Variants in HNF4G observed in about 807,000 individuals in gnomAD.
The protein encoded by HNF4G is hepatocyte nuclear factor 4-gamma.
HNF4G carries 21 observed loss-of-function variants against 50.9 expected under a neutral mutation model. The observed-to-expected ratio is 0.41, with a 90% confidence interval of 0.29 to 0.59. HNF4G has a LOEUF of 0.59. Ranked by LOEUF, HNF4G falls within the 20% of genes least tolerant of loss-of-function variation. The pLI, the probability that HNF4G is intolerant of heterozygous loss-of-function variation, is 0.26. For missense variants in HNF4G, 527 were observed against 559.4 expected, an observed-to-expected ratio of 0.94 and a Z score of 0.58; for synonymous variants, 198 against 185.6, an observed-to-expected ratio of 1.07 and a Z score of -0.54.
chr8:75,561,621 G>A (rs1017176769), intron 9 of HNF4G, among the ~76,000 whole-genome samples: 35 of 152,142 alleles, frequency 2.3e-4, no homozygotes, highest in African/African-American at 8.2e-4. Flanking sequence ...TGTTATTTAG[G>A]TAGCTGTTTG....
chr8:75,531,710 A>G (rs547884498), intron 2 of HNF4G, among the ~76,000 whole-genome samples: 24 of 152,254 alleles, frequency 1.6e-4, no homozygotes, highest in African/African-American at 5.8e-4. Context: ...AATAATTATG[A>G]TGACTATGTA....
At chr8:75,509,118 C>CT (rs1283933540) in intron 2 of HNF4G, among the ~76,000 whole-genome samples, 3 of 152,054 alleles carry the variant, frequency 2.0e-5, no homozygotes, top group Non-Finnish European at 4.4e-5. Context: ...CAGCTGAGGT[C>CT]TGTAAGGAGA....
chr8:75,475,968 G>T (rs1812229429), intron 1 of HNF4G, among the ~76,000 whole-genome samples: 2 of 151,834 alleles, frequency 1.3e-5, no homozygotes, highest in Admixed American at 1.3e-4. Flanking sequence ...TATGAATTTG[G>T]GGCGTACACA....
At chr8:75,493,591 C>T (rs969612786) in intron 2 of HNF4G, among the ~76,000 whole-genome samples, 4 of 151,828 alleles carry the variant, frequency 2.6e-5, no homozygotes, top group Non-Finnish European at 5.9e-5. Context: ...TGAAAATTTT[C>T]TATATATTTG....
chr8:75,432,901 T>C (rs1811046278), intron 1 of HNF4G, among the ~76,000 whole-genome samples: 1 of 152,174 alleles, frequency 6.6e-6, no homozygotes, highest in African/African-American at 2.4e-5. Context: ...TAGACAGTTC[T>C]GGGGAAAGGT....
chr8:75,474,109 A>G (rs1812186185), intron 1 of HNF4G, among the ~76,000 whole-genome samples: 1 of 152,192 alleles, frequency 6.6e-6, no homozygotes, highest in South Asian at 2.1e-4. Flanking sequence ...CTTTAAAAAG[A>G]TTACTTTGAA....
intron 9 of HNF4G, among the ~76,000 whole-genome samples, chr8:75,562,295 T>G (rs1290362744): frequency 5.3e-5 from 8 of 152,122 alleles, no homozygotes; most frequent in Non-Finnish European, 1.2e-4. Context: ...AAATAGTATC[T>G]GAAACCAAAA....
At chr8:75,422,998 G>C (rs961005426) in intron 1 of HNF4G, among the ~76,000 whole-genome samples, 1 of 152,090 alleles carries the variant, frequency 6.6e-6, no homozygotes, top group Non-Finnish European at 1.5e-5. Flanking sequence ...AACCAGTTAG[G>C]AGCAGAGATG....
chr8:75,423,815 CTTTTTTTTTTTT>C (rs548125507), intron 1 of HNF4G, among the ~76,000 whole-genome samples: 1,994 of 71,354 alleles, frequency 0.028, 42 homozygotes, highest in Admixed American at 0.097. Flanking sequence ...AAGTTTCTTT[CTTTTTTTTTTTT>C]TTTTTTTTTT....
intron 2 of HNF4G, among the ~76,000 whole-genome samples, chr8:75,503,174 G>A (rs1466995758): frequency 1.3e-5 from 2 of 152,162 alleles, no homozygotes; most frequent in Non-Finnish European, 2.9e-5. Flanking sequence ...GAAAGCACTA[G>A]TTGAGAGAGC....
upstream of HNF4G, among the ~76,000 whole-genome samples, chr8:75,539,260 G>A (rs1219331894): frequency 2.0e-5 from 3 of 152,100 alleles, no homozygotes; most frequent in Admixed American, 6.6e-5. Flanking sequence ...AGCTGTACTG[G>A]TTCTGCCCTT....
At chr8:75,511,097 A>G (rs1374205051) in intron 2 of HNF4G, among the ~76,000 whole-genome samples, 1 of 152,080 alleles carries the variant, frequency 6.6e-6, no homozygotes, top group Non-Finnish European at 1.5e-5. Flanking sequence ...CAATAAATAT[A>G]TTTGACATTA....
intron 1 of HNF4G, among the ~76,000 whole-genome samples, chr8:75,478,033 C>T (rs1197354672): frequency 1.3e-5 from 2 of 152,034 alleles, no homozygotes; most frequent in Non-Finnish European, 2.9e-5. Flanking sequence ...AAATTTAGGC[C>T]GGGTGTGGTG....
chr8:75,520,234 C>T (rs1806003690), intron 2 of HNF4G, among the ~76,000 whole-genome samples: 2 of 151,852 alleles, frequency 1.3e-5, no homozygotes, highest in African/African-American at 4.8e-5. Flanking sequence ...TAGTAAATAG[C>T]ATAATAAAGA....
At chr8:75,541,047 A>G (rs992091516) in intron 1 of HNF4G, among the ~76,000 whole-genome samples, 6 of 152,116 alleles carry the variant, frequency 3.9e-5, no homozygotes, top group Non-Finnish European at 8.8e-5. Context: ...ATTTAGCACA[A>G]CTATAGTTAA....
At chr8:75,513,117 A>G (rs1805800452) in intron 2 of HNF4G, among the ~76,000 whole-genome samples, 4 of 150,388 alleles carry the variant, frequency 2.7e-5, no homozygotes, top group African/African-American at 9.8e-5. Flanking sequence ...GGCTCACTAT[A>G]ACCTTCGCCT....
At chr8:75,456,783 T>C (rs1196449838) in intron 1 of HNF4G, among the ~76,000 whole-genome samples, 1 of 152,044 alleles carries the variant, frequency 6.6e-6, no homozygotes, top group East Asian at 1.9e-4. Context: ...CTCTATTGCC[T>C]AGGCTGGAGT....
At chr8:75,419,696 T>G (rs935414375) in intron 1 of HNF4G, among the ~76,000 whole-genome samples, 1 of 152,236 alleles carries the variant, frequency 6.6e-6, no homozygotes. Context: ...TCAATGTCAC[T>G]GACAATGTAA....
At chr8:75,413,828 G>A (rs967940424) in intron 1 of HNF4G, among the ~76,000 whole-genome samples, 1 of 151,808 alleles carries the variant, frequency 6.6e-6, no homozygotes, top group Non-Finnish European at 1.5e-5. Flanking sequence ...TTACACTCCA[G>A]CCTGGACGAC....
Sources: gnomAD v4.1 joint callset for allele counts (sites outside exome capture counted in the v4.1 genomes callset) on GRCh38, gnomAD v4.1.1 for gene constraint, MANE v1.5 for transcripts, NCBI Gene and HGNC (gene_info 2026-07-23, HGNC 2026-07-21) for gene names.